Variants in LSAMP observed in about 807,000 individuals in gnomAD.
LSAMP encodes limbic system-associated membrane protein.
In LSAMP, 7 loss-of-function variants were observed where a neutral mutation model predicts 38.6. The observed-to-expected ratio is 0.18, with a 90% CI of 0.10 to 0.34. The LOEUF (loss-of-function observed/expected upper bound fraction) is 0.34, where lower values mean the gene tolerates loss of function less well. LSAMP is among the 10% of genes least tolerant of loss of function. LSAMP has a pLI of 1.00. For synonymous variants in LSAMP, 154 were observed against 166.8 expected (o/e 0.92, Z 0.59); for missense variants, 313 against 420.0 (o/e 0.75, Z 2.23).
At chr3:115,876,972 C>A (rs1490347059) in intron 3 of LSAMP, among the ~76,000 whole-genome samples, 1 of 152,108 alleles carries the variant, frequency 6.6e-6, no homozygotes, top group African/African-American at 2.4e-5. Flanking sequence ...ATTTTGGAAG[C>A]TTTCCAGCAA....
chr3:116,190,511 G>A (rs562210370), intron 1 of LSAMP, among the ~76,000 whole-genome samples: 122 of 151,994 alleles, frequency 8.0e-4, no homozygotes, highest in African/African-American at 2.8e-3. Flanking sequence ...TAAACAAACA[G>A]TGTGTATCTG....
intron 2 of LSAMP, among the ~76,000 whole-genome samples, chr3:116,038,552 C>G (rs1214914369): frequency 2.6e-5 from 4 of 152,098 alleles, no homozygotes; most frequent in Admixed American, 6.6e-5. Context: ...CCGTGGAATG[C>G]CTTGAATACT....
intron 1 of LSAMP, among the ~76,000 whole-genome samples, chr3:116,245,784 CA>C (rs1553717097): frequency 3.3e-5 from 5 of 152,082 alleles, no homozygotes; most frequent in African/African-American, 9.6e-5. Flanking sequence ...CTGAGGCACA[CA>C]AGTTTTGATT....
At chr3:115,890,793 C>T (rs1219035355) in intron 3 of LSAMP, among the ~76,000 whole-genome samples, 1 of 151,776 alleles carries the variant, frequency 6.6e-6, no homozygotes, top group African/African-American at 2.4e-5. Context: ...TTTCATGCAG[C>T]CAAAGGATAG....
At chr3:116,068,085 T>C (rs1417470998) in intron 2 of LSAMP, among the ~76,000 whole-genome samples, 2 of 152,088 alleles carry the variant, frequency 1.3e-5, no homozygotes, top group African/African-American at 4.8e-5. Context: ...GAATAAGAAA[T>C]TTACTTCTCA....
At chr3:116,037,969 G>A (rs779240604) in intron 2 of LSAMP, among the ~76,000 whole-genome samples, 2 of 152,068 alleles carry the variant, frequency 1.3e-5, no homozygotes, top group Non-Finnish European at 2.9e-5. Flanking sequence ...TTCCTTATAT[G>A]GATGAACATA....
At chr3:116,330,442 C>G (rs2047833908) in intron 1 of LSAMP, among the ~76,000 whole-genome samples, 1 of 152,086 alleles carries the variant, frequency 6.6e-6, no homozygotes, top group Non-Finnish European at 1.5e-5. Context: ...CACAGAAGCA[C>G]AGATAAAGAA....
chr3:116,409,035 G>T (rs370528092), intron 1 of LSAMP, among the ~76,000 whole-genome samples: 103 of 152,172 alleles, frequency 6.8e-4, no homozygotes, highest in African/African-American at 2.3e-3. Context: ...CTGAGCACCA[G>T]AGATCATATT....
At chr3:116,207,786 A>G (rs1017172487) in intron 1 of LSAMP, among the ~76,000 whole-genome samples, 19 of 152,132 alleles carry the variant, frequency 1.2e-4, no homozygotes, top group Non-Finnish European at 2.4e-4. Context: ...TGTTAGTCTG[A>G]TGGGCTTCCC....
chr3:116,279,592 A>G (rs1296262199), intron 1 of LSAMP, among the ~76,000 whole-genome samples: 1 of 152,176 alleles, frequency 6.6e-6, no homozygotes, highest in Non-Finnish European at 1.5e-5. Flanking sequence ...TTTGGAAAAT[A>G]TGTGCTTGCC....
At chr3:116,166,196 C>T (rs1710046470) in intron 1 of LSAMP, among the ~76,000 whole-genome samples, 2 of 152,310 alleles carry the variant, frequency 1.3e-5, no homozygotes, top group Middle Eastern at 6.8e-3. Flanking sequence ...CAGCCTTCTG[C>T]CATTGGAACA....
At chr3:116,016,712 T>C (rs1940494201) in intron 3 of LSAMP, among the ~76,000 whole-genome samples, 1 of 152,218 alleles carries the variant, frequency 6.6e-6, no homozygotes, top group African/African-American at 2.4e-5. Flanking sequence ...TGAATGAGCA[T>C]GGCTGGGTTG....
chr3:115,869,307 A>T (rs1935957589), intron 3 of LSAMP, among the ~76,000 whole-genome samples: 1 of 147,348 alleles, frequency 6.8e-6, no homozygotes, highest in African/African-American at 2.5e-5. Context: ...AGAGAGACTG[A>T]CTGAGAGAGA....
intron 3 of LSAMP, among the ~76,000 whole-genome samples, chr3:115,930,344 G>C (rs997733722): frequency 4.6e-5 from 7 of 152,040 alleles, no homozygotes; most frequent in African/African-American, 1.7e-4. Context: ...CACAGGGTTA[G>C]GTACTTTCAC....
At chr3:116,163,375 T>G (rs1204395375) in intron 1 of LSAMP, among the ~76,000 whole-genome samples, 1 of 151,894 alleles carries the variant, frequency 6.6e-6, no homozygotes. Context: ...GGTTTCCAGC[T>G]TCATCCAAGT....
intron 2 of LSAMP, among the ~76,000 whole-genome samples, chr3:116,062,424 G>A (rs962160571): frequency 2.0e-5 from 3 of 152,148 alleles, no homozygotes; most frequent in Non-Finnish European, 4.4e-5. Flanking sequence ...CAGGAGAATC[G>A]AGAATCGCTT....
intron 1 of LSAMP, among the ~76,000 whole-genome samples, chr3:116,319,651 C>G (rs1467643286): frequency 3.3e-5 from 5 of 152,086 alleles, no homozygotes; most frequent in Non-Finnish European, 7.4e-5. Context: ...TTCTGCATAT[C>G]CCTCTGGATC....
chr3:116,055,923 T>C (rs909537152), intron 2 of LSAMP, among the ~76,000 whole-genome samples: 3 of 151,962 alleles, frequency 2.0e-5, no homozygotes, highest in African/African-American at 7.3e-5. Context: ...GGAGTATAAC[T>C]AGCATTATAA....
At position 115,908,360 on chromosome 3, in the gene LSAMP, A is replaced by G. The variant is rs934646048; in HGVS notation, c.515-55743T>C. On this transcript the variant is annotated intron_variant, in intron 3 of 6. Transcript: ENST00000490035. ...AAGCTTATTCAACTGTAGACTTAGTACATCTTATCTTGCTATTATCTAGCT... is the reference window on the plus strand; with the variant it reads ...AAGCTTATTCAACTGTAGACTTAGTGCATCTTATCTTGCTATTATCTAGCT... 4.6e-5 allele frequency among the ~76,000 whole-genome samples: 7 copies of G among 152,286 alleles called. No individual in the cohort carries two copies. In the East Asian group the frequency reaches 1.2e-3, roughly 25 times the overall value.
Sources: allele counts gnomAD v4.1 joint callset (sites outside exome capture counted in the v4.1 genomes callset), GRCh38; gene constraint gnomAD v4.1.1; transcripts MANE v1.5; gene names NCBI Gene and HGNC (gene_info 2026-07-23, HGNC 2026-07-21).